Variants in LRRC43 observed in about 807,000 individuals in gnomAD.
LRRC43 encodes leucine-rich repeat-containing protein 43.
In LRRC43, 62 loss-of-function variants were observed where a neutral mutation model predicts 64.3. That is an observed-to-expected ratio of 0.96 (90% CI 0.79 to 1.19). LRRC43 has a LOEUF of 1.19. Ranked by LOEUF, LRRC43 falls within the 50% of genes most tolerant of loss-of-function variation. LRRC43 has a pLI of 0.00. For missense variants in LRRC43, 868 were observed against 845.0 expected (o/e 1.03, Z -0.34); for synonymous variants, 422 against 382.3 (o/e 1.10, Z -1.21).
upstream of LRRC43, among the ~76,000 whole-genome samples, chr12:122,181,610 A>ATTTT (rs369940986): frequency 7.4e-5 from 10 of 135,310 alleles, 1 homozygote; most frequent in South Asian, 2.3e-4. Context: ...TTTTGGATAA[A>ATTTT]TTTTTTTTTT....
At chr12:122,174,007 A>G in intron 1 of LRRC43, 4 of 1,613,914 alleles carry the variant, frequency 2.5e-6, no homozygotes, top group Non-Finnish European at 3.4e-6. Context: ...AGAGAGAACG[A>G]TGCCGTGAGC....
At chr12:122,202,396 A>ATT (rs1177847411) in intron 11 of LRRC43, 1 of 152,224 alleles carries the variant, frequency 6.6e-6, no homozygotes, top group Non-Finnish European at 1.5e-5. Context: ...TTTCTTTAAT[A>ATT]TTACACCAAA....
chr12:122,190,392 G>A (rs373355361), intron 5 of LRRC43, 24 bp downstream of exon 5: 4 of 1,586,268 alleles, frequency 2.5e-6, no homozygotes, highest in African/African-American at 2.7e-5. Flanking sequence ...CATGCAGGGA[G>A]GGGGTGGCAT....
In LRRC43 at chr12:122,200,838, C is replaced by A; in HGVS notation, c.1713C>A (p.Ile571=). 1 of 1,613,180 alleles carries A rather than the reference C, an allele frequency of 6.2e-7. No individual in the cohort carries two copies. ...ILQVLGRGLV[I]LEPLLAGEPL... ...AGGTGCTGGGCCGGGGCCTGGTGAT[C>A]CTGGAGCCCCTGCTCGCCGGGGAGC... The change falls in exon 10 of 12, where the codon ATC becomes ATA. Residue 571 remains isoleucine (I), a synonymous_variant. Coordinates refer to ENST00000339777, the MANE Select transcript of LRRC43 (RefSeq NM_001098519.2). The surrounding 1 kb of genome is among the most constrained non-coding windows in gnomAD (Gnocchi z 4.6).
Position 122,190,316 on chromosome 12 carries a change from C to T in LRRC43, c.849C>T (p.Ile283=). 6.2e-7 allele frequency: 1 copy of T among 1,614,218 alleles called. No individual in the cohort carries two copies. Among genetic ancestry groups the T allele is most frequent in the Non-Finnish European group, 8.5e-7 (1 of 1,180,042 alleles). Residue 283 remains isoleucine (I), a synonymous_variant, in exon 5 of 12, where the codon ATC becomes ATT. Transcript: ENST00000339777. ...SLAQLCVLDD[I]TVSPNEKHLF... Reference sequence around the variant, plus strand: ...CCCAGCTCTGCGTGCTGGACGACATCACCGTGTCTCCCAATGAGAAGCATC... The same window carrying T: ...CCCAGCTCTGCGTGCTGGACGACATTACCGTGTCTCCCAATGAGAAGCATC...
intron 4 of LRRC43, among the ~76,000 whole-genome samples, chr12:122,189,038 T>G (rs1953681690): frequency 6.6e-6 from 1 of 152,126 alleles, no homozygotes; most frequent in Non-Finnish European, 1.5e-5. Flanking sequence ...TCAGGCTCAT[T>G]AGGAGCCTGC....
intron 4 of LRRC43, 118 bp from the exon 5 acceptor site, chr12:122,190,012 G>A: frequency 8.3e-6 from 7 of 842,818 alleles, no homozygotes; most frequent in African/African-American, 1.6e-5. Flanking sequence ...GGACAGGGGT[G>A]CAGGCCGTGG....
intron 5 of LRRC43, among the ~76,000 whole-genome samples, chr12:122,190,881 A>G (rs1279557259): frequency 6.7e-6 from 1 of 150,286 alleles, no homozygotes; most frequent in Non-Finnish European, 1.5e-5. Context: ...GTGTGGGAGG[A>G]TCACTTGAGC....
intron 3 of LRRC43, 163 bp from the exon 4 acceptor site, chr12:122,187,536 CTT>C: frequency 1.7e-6 from 1 of 576,630 alleles, no homozygotes; most frequent in Non-Finnish European, 3.0e-6. Context: ...CTGCAGGAAT[CTT>C]TTCTTCCTGG....
chr12:122,186,369 CCA>C, intron 3 of LRRC43, 69 bp downstream of exon 3: 1 of 990,826 alleles, frequency 1.0e-6, no homozygotes, highest in Non-Finnish European at 1.6e-6. Context: ...TTACCCTGCC[CCA>C]CATAGTGTGG....
At chr12:122,201,748 G>C (rs1422378913) in intron 11 of LRRC43, among the ~76,000 whole-genome samples, 1 of 152,194 alleles carries the variant, frequency 6.6e-6, no homozygotes, top group African/African-American at 2.4e-5. Flanking sequence ...CCAACTGGGA[G>C]GGAGAGAAAG....
chr12:122,200,972 T>C lies in LRRC43; in HGVS notation c.1809+38T>C. On this transcript the variant is annotated intron_variant, in intron 10 of 11. Transcript: ENST00000339777. The surrounding 1 kb of genome is among the most constrained non-coding windows in gnomAD (Gnocchi z 4.6). ...CCTAGCCACATCCTCCACCTCTGCC[T>C]TCGCCCTCCCCATGGGAACCCCGCG... The C allele has an allele frequency of 6.5e-7, 1 of 1,545,182 alleles. No homozygotes were observed. The highest frequency in any genetic ancestry group is 8.7e-7 in the Non-Finnish European group (1 of 1,147,854).
intron 1 of LRRC43, among the ~76,000 whole-genome samples, chr12:122,175,149 AT>A (rs1177474754): frequency 5.4e-5 from 8 of 148,760 alleles, no homozygotes; most frequent in Non-Finnish European, 1.0e-4. Context: ...TAGAAACTTT[AT>A]TGCTTTTCTT....
At chr12:122,192,707 G>T in intron 6 of LRRC43, 38 bp from the exon 7 acceptor site, 1 of 1,604,746 alleles carries the variant, frequency 6.2e-7, no homozygotes, top group South Asian at 1.1e-5. Flanking sequence ...ACATCCTGAA[G>T]ACGGCAGCCT....
At position 122,190,195 on chromosome 12, in the gene LRRC43, G is replaced by A. The variant is rs558151255; in HGVS notation, c.728G>A (p.Ser243Asn). The change falls in exon 5 of 12, where the codon AGC (serine) becomes AAC (asparagine). Residue 243 changes from serine to asparagine, a missense_variant. Physicochemically the swap from Ser to Asn is conservative, Grantham distance 46. Transcript: ENST00000339777. ...ACAGACCTGCAGAGCATGGTCACCA[G>A]CCTGAGGACCCTCCGGCACCTGCGA... is the stretch of plus-strand genomic sequence containing the variant. ...DLTDLQSMVTSLRTLRHLRLL... is the reference protein window; with the variant it reads ...DLTDLQSMVTNLRTLRHLRLL... 3 of 1,614,156 alleles carry A rather than the reference G, an allele frequency of 1.9e-6. No homozygotes were observed. Among genetic ancestry groups the A allele is most frequent in the Admixed American group, 3.3e-5 (2 of 60,016 alleles).
intron 1 of LRRC43, among the ~76,000 whole-genome samples, chr12:122,170,434 A>C (rs1034722189): frequency 4.6e-5 from 7 of 152,094 alleles, no homozygotes; most frequent in Non-Finnish European, 1.0e-4. Context: ...GATCGAGACC[A>C]TCCTGGCTAA....
rs371081981 is a variant in LRRC43, at chr12:122,188,982, C to A, written c.662+1142C>A. Among the ~76,000 whole-genome samples the A allele has an allele frequency of 3.3e-5, 5 of 152,286 alleles. No homozygotes were observed. In the South Asian group the frequency reaches 6.2e-4, roughly 19 times the overall value. On this transcript the variant is annotated intron_variant, in intron 4 of 11. Transcript: ENST00000339777. ...ATCCCCCCAAGCTGAGAACCACCAC[C>A]CTGGAACCAAGCCCTAGCGCCAGCC...
At chr12:122,173,121 C>T (rs962848896) in intron 1 of LRRC43, among the ~76,000 whole-genome samples, 3 of 152,080 alleles carry the variant, frequency 2.0e-5, no homozygotes, top group African/African-American at 4.8e-5. Context: ...TAGGCTTGTC[C>T]GGAAAGGCCT....
At chr12:122,172,187 A>G in intron 1 of LRRC43, 2 of 483,516 alleles carry the variant, frequency 4.1e-6, no homozygotes, top group African/African-American at 1.9e-5. Context: ...TGCAGAAGAA[A>G]AGCATTCCAT....
Sources: gnomAD v4.1 joint callset for allele counts (sites outside exome capture counted in the v4.1 genomes callset) on GRCh38, gnomAD v4.1.1 for gene constraint, Gnocchi (gnomAD v3.1) non-coding constraint, MANE v1.5 for transcripts, NCBI Gene and HGNC (gene_info 2026-07-23, HGNC 2026-07-21) for gene names.